The following ATP13A5 variants were observed in gnomAD, a reference collection of about 807,000 sequenced individuals.
ATP13A5 encodes the protein ATPase 13A5, also known as probable cation-transporting ATPase 13A5.
ATP13A5 carries 149 observed loss-of-function variants against 150.2 expected under a neutral mutation model. The observed-to-expected ratio is 0.99, with a 90% confidence interval of 0.87 to 1.14. The LOEUF is 1.14. Among genes scored for constraint, ATP13A5 ranks in the 50% most tolerant of loss-of-function variants. The pLI is 0.00. For missense variants in ATP13A5, 1,383 were observed against 1,449.3 expected (o/e 0.95, Z 0.74); for synonymous variants, 497 against 522.2 (o/e 0.95, Z 0.66).
intron 4 of ATP13A5, 41 bp downstream of exon 4, chr3:193,362,524 TCC>T: frequency 6.2e-7 from 1 of 1,613,008 alleles, no homozygotes; most frequent in Non-Finnish European, 8.5e-7. Context: ...TCAGTGTTTT[TCC>T]CCTATATCCT....
chr3:193,357,529 C>T (rs569736095), intron 5 of ATP13A5, among the ~76,000 whole-genome samples: 16 of 152,246 alleles, frequency 1.1e-4, no homozygotes, highest in African/African-American at 3.6e-4. Context: ...GGGGTGTTGA[C>T]TAATGGCTGA....
chr3:193,325,383 A>G (rs1302840735), intron 13 of ATP13A5, among the ~76,000 whole-genome samples: 1 of 152,196 alleles, frequency 6.6e-6, no homozygotes, highest in East Asian at 1.9e-4. Context: ...CTTTATATAA[A>G]CATTTCTTTG....
At chr3:193,317,975 C>A (rs1719114924) in intron 17 of ATP13A5, among the ~76,000 whole-genome samples, 1 of 152,192 alleles carries the variant, frequency 6.6e-6, no homozygotes, top group African/African-American at 2.4e-5. Context: ...CCTATGTGGT[C>A]TGGACCTTTA....
intron 28 of ATP13A5, among the ~76,000 whole-genome samples, chr3:193,278,588 T>C (rs1717331644): frequency 6.6e-6 from 1 of 152,208 alleles, no homozygotes; most frequent in Non-Finnish European, 1.5e-5. Context: ...GCTGTTCTTA[T>C]TGGGAATATC....
At chr3:193,336,385 C>T (rs1341980344) in intron 9 of ATP13A5, among the ~76,000 whole-genome samples, 1 of 152,102 alleles carries the variant, frequency 6.6e-6, no homozygotes, top group African/African-American at 2.4e-5. Context: ...TATCCCTCCC[C>T]ACTCCCCCCA....
intron 26 of ATP13A5, among the ~76,000 whole-genome samples, chr3:193,286,354 C>A (rs1317873399): frequency 6.6e-6 from 1 of 152,102 alleles, no homozygotes; most frequent in African/African-American, 2.4e-5. Flanking sequence ...TTTTGCTTCC[C>A]AGATATTGCA....
intron 6 of ATP13A5, among the ~76,000 whole-genome samples, chr3:193,352,843 T>C (rs1163329865): frequency 6.6e-6 from 1 of 152,130 alleles, no homozygotes; most frequent in African/African-American, 2.4e-5. Context: ...AATGACCATC[T>C]TTATGGGTTA....
chr3:193,320,475 C>T (rs927648529), intron 16 of ATP13A5, among the ~76,000 whole-genome samples: 1 of 152,172 alleles, frequency 6.6e-6, no homozygotes, highest in Non-Finnish European at 1.5e-5. Flanking sequence ...GGCCCAAATC[C>T]TTACTGAGAG....
In ATP13A5 at chr3:193,314,031, A is replaced by G. The variant is rs764050995; in HGVS notation, c.2319+2T>C. On this transcript the variant is annotated splice_donor_variant, in intron 19 of 29. Coordinates refer to ENST00000342358, the MANE Select transcript of ATP13A5 (RefSeq NM_198505.4). LOFTEE classifies it high-confidence loss of function. The stretch of plus-strand genomic sequence containing the variant: ...CGGAGGGGCCTTCTAACATTTGCTC[A>G]CTTTCTTCCCAGGTCCAGTCTCTTG... 3.7e-6 allele frequency: 6 copies of G among 1,612,468 alleles called. No individual in the cohort carries two copies. Among genetic ancestry groups the G allele is most frequent in the Non-Finnish European group, 5.1e-6 (6 of 1,179,738 alleles).
intron 25 of ATP13A5, among the ~76,000 whole-genome samples, chr3:193,294,590 A>C (rs1472647594): frequency 6.6e-6 from 1 of 152,132 alleles, no homozygotes; most frequent in Non-Finnish European, 1.5e-5. Flanking sequence ...TAAATAAGTA[A>C]ATAAATCAAA....
chr3:193,329,651 G>A (rs2108870800), intron 12 of ATP13A5, among the ~76,000 whole-genome samples: 1 of 152,268 alleles, frequency 6.6e-6, no homozygotes, highest in South Asian at 2.1e-4. Flanking sequence ...TTGACTGGTG[G>A]TGATCGAGAA....
intron 11 of ATP13A5, among the ~76,000 whole-genome samples, chr3:193,332,941 C>T (rs1711690199): frequency 6.6e-6 from 1 of 152,100 alleles, no homozygotes; most frequent in Non-Finnish European, 1.5e-5. Context: ...CCCTCAAATT[C>T]CAGCCCCAGT....
intron 27 of ATP13A5, among the ~76,000 whole-genome samples, chr3:193,279,976 TAAAAAAAAAAAA>T (rs57617984): frequency 3.3e-5 from 2 of 59,890 alleles, no homozygotes; most frequent in African/African-American, 1.6e-4. Flanking sequence ...GTGTCTTTGT[TAAAAAAAAAAAA>T]AAAAAAAAAA....
intron 20 of ATP13A5, among the ~76,000 whole-genome samples, chr3:193,311,586 G>A (rs930241577): frequency 6.6e-6 from 1 of 152,170 alleles, no homozygotes; most frequent in Non-Finnish European, 1.5e-5. Context: ...GGCCACAGGG[G>A]TGAGAGAAGG....
chr3:193,367,069 A>G (rs1474858992), intron 1 of ATP13A5, among the ~76,000 whole-genome samples: 1 of 152,090 alleles, frequency 6.6e-6, no homozygotes, highest in Non-Finnish European at 1.5e-5. Flanking sequence ...AGACATTTAC[A>G]GCTTTAGCTG....
At chr3:193,287,342 T>TAA (rs1171055328) in intron 26 of ATP13A5, among the ~76,000 whole-genome samples, 1 of 152,166 alleles carries the variant, frequency 6.6e-6, no homozygotes, top group African/African-American at 2.4e-5. Context: ...TAACTAGAGA[T>TAA]AAGTCAATAA....
chr3:193,326,630 T>C (rs1719475748), intron 13 of ATP13A5, among the ~76,000 whole-genome samples: 1 of 152,118 alleles, frequency 6.6e-6, no homozygotes, highest in Non-Finnish European at 1.5e-5. Flanking sequence ...GTGGGTGTAT[T>C]TGCACCTTTT....
At chr3:193,317,830 A>G (rs76971678) in intron 17 of ATP13A5, among the ~76,000 whole-genome samples, 2,240 of 152,298 alleles carry the variant, frequency 0.015, 47 homozygotes, top group Admixed American at 0.052. Flanking sequence ...AGTGGCTCTT[A>G]CATGAGAACA....
chr3:193,354,940 C>CT (rs545467259), intron 5 of ATP13A5, among the ~76,000 whole-genome samples: 4 of 127,966 alleles, frequency 3.1e-5, no homozygotes, highest in South Asian at 2.5e-4. Flanking sequence ...AACAATGTAA[C>CT]TTTTTTTTTG....
Sources: allele counts gnomAD v4.1 joint callset (sites outside exome capture counted in the v4.1 genomes callset), GRCh38; gene constraint gnomAD v4.1.1; transcripts MANE v1.5; gene names NCBI Gene and HGNC (gene_info 2026-07-23, HGNC 2026-07-21).